The following ARIH1 variants were observed in gnomAD, a reference collection of about 807,000 sequenced individuals.
ARIH1 encodes ariadne RBR E3 ubiquitin protein ligase 1.
In ARIH1, 8 loss-of-function variants were observed where a neutral mutation model predicts 85.0. The observed-to-expected ratio is 0.09, with a 90% CI of 0.06 to 0.17. ARIH1 has a LOEUF of 0.17. ARIH1 is among the 10% of genes least tolerant of loss of function. The pLI, the probability that ARIH1 is intolerant of heterozygous loss-of-function variation, is 1.00. For missense variants in ARIH1, 311 were observed against 718.1 expected (o/e 0.43, Z 6.48); for synonymous variants, 238 against 253.6 (o/e 0.94, Z 0.59).
chr15:72,509,182 G>A (rs939985149), intron 1 of ARIH1, among the ~76,000 whole-genome samples: 1 of 151,910 alleles, frequency 6.6e-6, no homozygotes, highest in Non-Finnish European at 1.5e-5. Context: ...GTAGAGACAA[G>A]GTTTCATCAT....
intron 2 of ARIH1, among the ~76,000 whole-genome samples, chr15:72,522,012 G>A (rs1305312217): frequency 2.0e-5 from 3 of 151,900 alleles, no homozygotes; most frequent in South Asian, 2.1e-4. Flanking sequence ...CTTTATAGTC[G>A]TATTGAATTG....
rs1241544006 is a variant in ARIH1, at chr15:72,586,454, G to C, written c.*3162G>C. On this transcript the variant is annotated 3_prime_UTR_variant, in exon 14 of 14. Transcript: ENST00000379887. ...TTTTGTGCATAGAGCACCCTATGCT[G>C]TGGAAATAACTGTTCTTAGATTTCA... 1.3e-5 allele frequency: 2 copies of C among 152,198 alleles called. No individual in the cohort carries two copies. Among genetic ancestry groups the C allele is most frequent in the Admixed American group, 1.3e-4 (2 of 15,282 alleles). The allele number at this position is 152,198 out of a possible 1,614,324, so 9.4% of individuals were successfully genotyped here.
In ARIH1 at chr15:72,587,182, A is replaced by C. The variant is rs747020218; in HGVS notation, c.*3890A>C. 2.0e-6 allele frequency: 1 copy of C among 504,180 alleles called. No homozygotes were observed. The highest frequency in any genetic ancestry group is 2.1e-5 in the Admixed American group (1 of 48,238). 31.2% of individuals were successfully genotyped at this position (504,180 alleles called of 1,614,324 possible). On this transcript the variant is annotated 3_prime_UTR_variant, in exon 14 of 14. Transcript: ENST00000379887. ...GGAAGATAAGGCTCACTGAGGTTAA[A>C]TAACTCCCTCAATTTTTCATTTCCT...
chr15:72,534,970 T>TTTTTTTTTTTA (rs1567349493), intron 2 of ARIH1, among the ~76,000 whole-genome samples: 2 of 114,526 alleles, frequency 1.7e-5, no homozygotes, highest in African/African-American at 5.0e-5. Context: ...TTTTTTTTTT[T>TTTTTTTTTTTA]GAGACGGAGT....
At chr15:72,480,263 A>ATTT (rs762120667) in intron 1 of ARIH1, among the ~76,000 whole-genome samples, 3 of 136,222 alleles carry the variant, frequency 2.2e-5, no homozygotes, top group Admixed American at 1.5e-4. Context: ...GAACCTTCAA[A>ATTT]TTTTTTTTTT....
intron 1 of ARIH1, among the ~76,000 whole-genome samples, chr15:72,475,716 A>T (rs536763730): frequency 6.6e-6 from 1 of 152,334 alleles, no homozygotes; most frequent in South Asian, 2.1e-4. Flanking sequence ...TGCATATTGC[A>T]TACCCTTCCT....
At chr15:72,565,200 C>T (rs758309700) in intron 7 of ARIH1, among the ~76,000 whole-genome samples, 2 of 152,050 alleles carry the variant, frequency 1.3e-5, no homozygotes, top group African/African-American at 4.8e-5. Flanking sequence ...GGATTACAGG[C>T]GTGTGCCACC....
chr15:72,564,754 T>C (rs1205495373), intron 7 of ARIH1, among the ~76,000 whole-genome samples: 1 of 152,192 alleles, frequency 6.6e-6, no homozygotes, highest in Non-Finnish European at 1.5e-5. Flanking sequence ...CCAAAAGATT[T>C]GTTGTCTGGC....
At position 72,520,321 on chromosome 15, in the gene ARIH1, A is replaced by C. The variant is rs546849155; in HGVS notation, c.443+2187A>C. On this transcript the variant is annotated intron_variant, in intron 2 of 13. Coordinates refer to ENST00000379887, the MANE Select transcript of ARIH1 (RefSeq NM_005744.5). ...TGTCTCATTTAATGATTTTCACATT[A>C]TATTTTATGTTGTCTGCTATTAGCA... Among the ~76,000 whole-genome samples the C allele has an allele frequency of 7.8e-4, 118 of 151,636 alleles. 1 individual carries two copies. Among genetic ancestry groups the C allele is most frequent in the African/African-American group, 2.8e-3 (115 of 41,424 alleles).
intron 1 of ARIH1, among the ~76,000 whole-genome samples, chr15:72,494,797 A>G (rs1439908344): frequency 6.8e-6 from 1 of 146,634 alleles, no homozygotes; most frequent in Non-Finnish European, 1.5e-5. Context: ...AAGGCATTCA[A>G]GATACCGTGA....
At chr15:72,555,505 T>C (rs577337360) in intron 4 of ARIH1, 142 bp downstream of exon 4, 1 of 665,522 alleles carries the variant, frequency 1.5e-6, no homozygotes, top group Non-Finnish European at 2.5e-6. Context: ...ATAGGCTTTT[T>C]CCTAAAGTAA....
At chr15:72,477,542 T>G (rs2140388559) in intron 1 of ARIH1, among the ~76,000 whole-genome samples, 1 of 152,350 alleles carries the variant, frequency 6.6e-6, no homozygotes, top group South Asian at 2.1e-4. Context: ...GGAATTTGAT[T>G]ACTTTTTCTG....
At chr15:72,544,718 T>C (rs1199443004) in intron 2 of ARIH1, 102 bp from the exon 3 acceptor site, 7 of 1,062,762 alleles carry the variant, frequency 6.6e-6, no homozygotes, top group Admixed American at 2.5e-5. Flanking sequence ...TGTTTTATTT[T>C]AATTCAACTT....
At chr15:72,509,154 C>A (rs765362120) in intron 1 of ARIH1, among the ~76,000 whole-genome samples, 61 of 151,894 alleles carry the variant, frequency 4.0e-4, no homozygotes, top group Non-Finnish European at 7.4e-4. Flanking sequence ...CCACTCCCAG[C>A]TAATGTTTAT....
intron 1 of ARIH1, among the ~76,000 whole-genome samples, chr15:72,506,682 C>G (rs980092812): frequency 7.2e-5 from 11 of 152,078 alleles, no homozygotes; most frequent in African/African-American, 2.7e-4. Context: ...AGATTTTATG[C>G]AAACATGAGC....
intron 7 of ARIH1, among the ~76,000 whole-genome samples, chr15:72,566,136 A>G (rs931771638): frequency 6.6e-6 from 1 of 152,114 alleles, no homozygotes; most frequent in Non-Finnish European, 1.5e-5. Flanking sequence ...GATGTGACCT[A>G]TTTGCTTCCC....
At chr15:72,478,160 G>C (rs1046973466) in intron 1 of ARIH1, among the ~76,000 whole-genome samples, 10 of 152,002 alleles carry the variant, frequency 6.6e-5, no homozygotes, top group Non-Finnish European at 1.5e-4. Context: ...CTGCTGCCCA[G>C]GTTGGAGTGC....
intron 2 of ARIH1, among the ~76,000 whole-genome samples, chr15:72,540,190 G>A (rs577781054): frequency 5.2e-4 from 79 of 150,818 alleles, no homozygotes; most frequent in Middle Eastern, 3.4e-3. Context: ...CCTGGGAGGC[G>A]GAGGTTGCAG....
intron 1 of ARIH1, among the ~76,000 whole-genome samples, chr15:72,499,535 G>T (rs1009042359): frequency 6.6e-6 from 1 of 151,988 alleles, no homozygotes; most frequent in African/African-American, 2.4e-5. Context: ...TTATTAGTTC[G>T]CTTATAGCTT....
Sources: gnomAD v4.1 joint callset for allele counts (sites outside exome capture counted in the v4.1 genomes callset) on GRCh38, gnomAD v4.1.1 for gene constraint, MANE v1.5 for transcripts, NCBI Gene and HGNC (gene_info 2026-07-23, HGNC 2026-07-21) for gene names.